The following ESRRB variants were observed in gnomAD, a reference collection of about 807,000 sequenced individuals.
ESRRB encodes steroid hormone receptor ERR2.
In ESRRB, 16 loss-of-function variants were observed where a neutral mutation model predicts 46.0. That is an observed-to-expected ratio of 0.35 (90% CI 0.24 to 0.53). The LOEUF (loss-of-function observed/expected upper bound fraction) is 0.53, where lower values mean the gene tolerates loss of function less well. ESRRB is among the 20% of genes least tolerant of loss of function. The pLI is 0.93. For missense variants in ESRRB, 488 were observed against 607.4 expected, an observed-to-expected ratio of 0.80 and a Z score of 2.07; for synonymous variants, 246 against 259.6, an observed-to-expected ratio of 0.95 and a Z score of 0.50.
At chr14:76,397,480 T>C (rs1437520354) in intron 1 of ESRRB, among the ~76,000 whole-genome samples, 1 of 152,246 alleles carries the variant, frequency 6.6e-6, no homozygotes, top group African/African-American at 2.4e-5. Context: ...TGTGTGGAGT[T>C]TGACCTTACC....
chr14:76,367,857 TC>T (rs964797609), upstream of ESRRB, among the ~76,000 whole-genome samples: 22 of 150,562 alleles, frequency 1.5e-4, no homozygotes, highest in African/African-American at 5.4e-4. Context: ...CCCATGTTTC[TC>T]CCCCTCCTTG....
intron 1 of ESRRB, among the ~76,000 whole-genome samples, chr14:76,431,120 A>C (rs1887423563): frequency 6.6e-6 from 1 of 152,094 alleles, no homozygotes; most frequent in East Asian, 1.9e-4. Context: ...ACATGGTGAA[A>C]CCCGTCTTTA....
At chr14:76,420,587 G>GTGTC (rs1231050845) in intron 1 of ESRRB, among the ~76,000 whole-genome samples, 1 of 151,118 alleles carries the variant, frequency 6.6e-6, no homozygotes, top group Admixed American at 6.6e-5. Flanking sequence ...GTGTGTGTGT[G>GTGTC]TGTGTGTTTG....
At chr14:76,447,238 A>G (rs1888184681) in intron 2 of ESRRB, among the ~76,000 whole-genome samples, 1 of 136,646 alleles carries the variant, frequency 7.3e-6, no homozygotes, top group African/African-American at 2.8e-5. Flanking sequence ...CTCATTTTCT[A>G]AAGTCTCCTT....
At chr14:76,473,451 C>A (rs867392615) in intron 3 of ESRRB, among the ~76,000 whole-genome samples, 17 of 152,206 alleles carry the variant, frequency 1.1e-4, no homozygotes, top group Non-Finnish European at 1.9e-4. Flanking sequence ...GCCTTTCCCT[C>A]GCCTGCCCTG....
Position 76,383,343 on chromosome 14 carries a change from G to T in ESRRB, c.50+6892G>T, listed in dbSNP as rs935539154. Among the ~76,000 whole-genome samples, 455 of 147,792 alleles carry T rather than the reference G, an allele frequency of 3.1e-3. 2 individuals carry two copies. The highest frequency in any genetic ancestry group is 0.011 in the African/African-American group (436 of 38,854). ...TTAATTCATTTTGAAATTTTTATTG[G>T]TTTTTTTTTTGGCATTTTCATCTGG... is the stretch of plus-strand genomic sequence containing the variant. On this transcript the variant is annotated intron_variant, in intron 1 of 6. Transcript: ENST00000644823.
chr14:76,416,133 CT>C (rs550161182), intron 1 of ESRRB, among the ~76,000 whole-genome samples: 1,985 of 131,712 alleles, frequency 0.015, 5 homozygotes, highest in Middle Eastern at 0.028. Flanking sequence ...ACCATTTTCC[CT>C]TTTTTTTTTT....
intron 1 of ESRRB, among the ~76,000 whole-genome samples, chr14:76,330,154 G>A (rs1394235868): frequency 6.6e-6 from 1 of 152,128 alleles, no homozygotes; most frequent in East Asian, 1.9e-4. Flanking sequence ...GCCAGGATGG[G>A]CCCTGGTTCT....
chr14:76,479,711 C>T (rs1889730864), intron 3 of ESRRB, among the ~76,000 whole-genome samples: 1 of 152,148 alleles, frequency 6.6e-6, no homozygotes, highest in African/African-American at 2.4e-5. Context: ...TGTCCTTGTG[C>T]CTCCGTTTGA....
At chr14:76,311,040 C>T (rs937950842) in intron 1 of ESRRB, 8 of 392,032 alleles carry the variant, frequency 2.0e-5, no homozygotes, top group Non-Finnish European at 3.5e-5. Context: ...AAATATCTCC[C>T]CATGCCTGTT....
chr14:76,360,794 G>T (rs1226718957), intron 1 of ESRRB, among the ~76,000 whole-genome samples: 1 of 152,158 alleles, frequency 6.6e-6, no homozygotes, highest in Non-Finnish European at 1.5e-5. Flanking sequence ...AGATAAAGAG[G>T]CCTGTTGCTC....
intron 2 of ESRRB, among the ~76,000 whole-genome samples, chr14:76,449,523 C>T (rs1171085709): frequency 6.6e-6 from 1 of 151,504 alleles, no homozygotes; most frequent in Non-Finnish European, 1.5e-5. Flanking sequence ...GCACTCCAGC[C>T]TGGGTGACGG....
At chr14:76,491,048 C>T (rs2885232) in intron 5 of ESRRB, among the ~76,000 whole-genome samples, 51,070 of 152,044 alleles carry the variant, frequency 0.34, 9,796 homozygotes, top group East Asian at 0.62. Flanking sequence ...GCCCTGGAAA[C>T]TCCCCAGAGT....
At chr14:76,470,236 T>C (rs113166379) in intron 3 of ESRRB, among the ~76,000 whole-genome samples, 26,492 of 152,152 alleles carry the variant, frequency 0.17, 2,371 homozygotes, top group Middle Eastern at 0.23. Flanking sequence ...AGGCATGAGC[T>C]ACTGCTCCAG....
intron 6 of ESRRB, among the ~76,000 whole-genome samples, chr14:76,497,111 T>C (rs1026240143): frequency 2.0e-5 from 3 of 152,076 alleles, no homozygotes; most frequent in African/African-American, 7.2e-5. Flanking sequence ...GGAGCCCACA[T>C]GGCAATGCCC....
At chr14:76,354,106 C>T (rs1177853851) in intron 1 of ESRRB, among the ~76,000 whole-genome samples, 1 of 152,124 alleles carries the variant, frequency 6.6e-6, no homozygotes. Flanking sequence ...GTCCTGCTCC[C>T]TTGCTTTGCA....
chr14:76,492,590 AC>A (rs2140052640), intron 6 of ESRRB, among the ~76,000 whole-genome samples: 1 of 152,366 alleles, frequency 6.6e-6, no homozygotes, highest in Non-Finnish European at 1.5e-5. Flanking sequence ...AAAGAAAATC[AC>A]CCAGGGTCAC....
rs1355037103 is a variant in ESRRB at position 76,448,847 on chromosome 14, A to G, written c.460+9097A>G. ...GTCAGATGTCTGCTTATAACAATAT[A>G]TTATTTAGTTACGCTTGTATATTTT... On this transcript the variant is annotated intron_variant, in intron 2 of 6. Coordinates refer to ENST00000644823, the MANE Select transcript of ESRRB (RefSeq NM_001379180.1). Among the ~76,000 whole-genome samples, 3 of 150,136 alleles carry G rather than the reference A, an allele frequency of 2.0e-5. No individual in the cohort carries two copies. The East Asian group carries it at 5.8e-4, about 29-fold the overall frequency.
At chr14:76,433,137 C>T (rs562421507) in intron 1 of ESRRB, among the ~76,000 whole-genome samples, 4 of 152,296 alleles carry the variant, frequency 2.6e-5, no homozygotes, top group African/African-American at 9.6e-5. Context: ...TGGGCCCTGC[C>T]TGTAGAGACG....
Sources: allele counts gnomAD v4.1 joint callset (sites outside exome capture counted in the v4.1 genomes callset), GRCh38; gene constraint gnomAD v4.1.1; transcripts MANE v1.5; gene names NCBI Gene and HGNC (gene_info 2026-07-23, HGNC 2026-07-21).